Variants in NFIX observed in about 807,000 individuals in gnomAD.
NFIX encodes the protein nuclear factor I X.
NFIX carries 2 observed loss-of-function variants against 53.3 expected under a neutral mutation model. That is an observed-to-expected ratio of 0.04 (90% CI 0.02 to 0.12). The LOEUF (loss-of-function observed/expected upper bound fraction) is 0.12, where lower values mean the gene tolerates loss of function less well. NFIX is among the 10% of genes least tolerant of loss of function. The pLI is 1.00. For synonymous variants in NFIX, 244 were observed against 289.0 expected (o/e 0.84, Z 1.58); for missense variants, 310 against 674.5 (o/e 0.46, Z 5.99).
At chr19:13,080,000 G>A (rs1252799118) in intron 7 of NFIX, among the ~76,000 whole-genome samples, 1 of 152,296 alleles carries the variant, frequency 6.6e-6, no homozygotes, top group African/African-American at 2.4e-5. Context: ...TATGTCAGAC[G>A]GCCATCCTGA....
chr19:13,090,219 C>T lies in NFIX; in HGVS notation c.1403-80C>T, dbSNP rs1039052006. 1.1e-5 allele frequency: 15 copies of T among 1,350,708 alleles called. No individual in the cohort carries two copies. The African/African-American group carries it at 2.0e-4, about 18-fold the overall frequency. The allele number at this position is 1,350,708 out of a possible 1,614,324, so 83.7% of individuals were successfully genotyped here. On this transcript the variant is annotated intron_variant, in intron 9 of 10. Coordinates refer to ENST00000592199, the MANE Select transcript of NFIX (RefSeq NM_001365902.3). This position sits in a 1 kb window ranked among gnomAD's most constrained non-coding sequence, Gnocchi z 6.6. ...ATGGTCTAACTCAGTCTCTCCCTCT[C>T]TCAGCAGCCCCGAGGGGCAGTGCCC...
At chr19:13,015,801 C>T (rs2012629789) in intron 1 of NFIX, among the ~76,000 whole-genome samples, 1 of 143,570 alleles carries the variant, frequency 7.0e-6, no homozygotes, top group Non-Finnish European at 1.5e-5. Context: ...CACACACACA[C>T]ACACACACAC....
In NFIX at chr19:13,011,039, A is replaced by G. The variant is rs2012312135; in HGVS notation, c.28-13982A>G. 6.6e-6 allele frequency among the ~76,000 whole-genome samples: 1 copy of G among 152,114 alleles called. No individual in the cohort carries two copies. The highest frequency in any genetic ancestry group is 6.5e-5 in the Admixed American group (1 of 15,278). ...AACCGCTCCCCCCTCTTCCCGCTCC[A>G]CGTTTGTACTTGGATTTTACCACCC... On this transcript the variant is annotated intron_variant, in intron 1 of 10. Transcript: ENST00000592199. The surrounding 1 kb of genome is among the most constrained non-coding windows in gnomAD (Gnocchi z 6.5).
At chr19:13,026,748 G>C (rs201817957) in intron 2 of NFIX, among the ~76,000 whole-genome samples, 2,031 of 108,808 alleles carry the variant, frequency 0.019, 35 homozygotes, top group African/African-American at 0.067. Context: ...CTCTCTCTGT[G>C]TGTGTGTGTG....
Position 13,088,195 on chromosome 19 carries a change from T to C in NFIX, c.1402+59T>C, listed in dbSNP as rs1263501589. The C allele has an allele frequency of 6.6e-7, 1 of 1,521,672 alleles. No individual in the cohort carries two copies. The highest frequency in any genetic ancestry group is 8.8e-7 in the Non-Finnish European group (1 of 1,137,160). 94.3% of individuals were successfully genotyped at this position (1,521,672 alleles called of 1,614,324 possible). ...CAGCGTCCCCGGCCCGTCCAAACAG[T>C]CTCCACTGCAAAAAGAAAAGCCTTC... is the stretch of plus-strand genomic sequence containing the variant. On this transcript the variant is annotated intron_variant, in intron 9 of 10. Transcript: ENST00000592199. This position sits in a 1 kb window ranked among gnomAD's most constrained non-coding sequence, Gnocchi z 5.9.
intron 8 of NFIX, among the ~76,000 whole-genome samples, chr19:13,085,069 CA>C (rs555726363): frequency 0.018 from 990 of 54,948 alleles, 2 homozygotes; most frequent in African/African-American, 0.036. Context: ...GACTCCATCT[CA>C]AAAAAAAAAA....
chr19:13,071,657 T>TA (rs1382937632), intron 2 of NFIX, among the ~76,000 whole-genome samples: 1 of 152,292 alleles, frequency 6.6e-6, no homozygotes, highest in Non-Finnish European at 1.5e-5. Context: ...TTTTTGGAAT[T>TA]AAAAAATCAA....
At chr19:13,054,142 T>A (rs765902533) in intron 2 of NFIX, among the ~76,000 whole-genome samples, 1 of 152,116 alleles carries the variant, frequency 6.6e-6, no homozygotes, top group Non-Finnish European at 1.5e-5. Context: ...CCAGTTCCCG[T>A]CTCTACCGTG....
At position 13,006,035 on chromosome 19, in the gene NFIX, AGGCCCCGGG is replaced by A. The variant is rs1029603821; in HGVS notation, c.27+10175_27+10183del. ...CCTCCTGGGTGCCAGGCTCTGTTTTAGGCCCCGGGGGCTCGGCAGGGAGCAAAATCTGCA... is the reference window on the plus strand; with the variant it reads ...CCTCCTGGGTGCCAGGCTCTGTTTTAGGCTCGGCAGGGAGCAAAATCTGCA... On this transcript the variant is annotated intron_variant, in intron 1 of 10. Transcript: ENST00000592199. This position sits in a 1 kb window ranked among gnomAD's most constrained non-coding sequence, Gnocchi z 5.6. 6.6e-6 allele frequency among the ~76,000 whole-genome samples: 1 copy of A among 152,210 alleles called. No homozygotes were observed. The highest frequency in any genetic ancestry group is 1.5e-5 in the Non-Finnish European group (1 of 68,032).
rs1393882355 is a variant in NFIX, at chr19:13,051,560, A to T, written c.560-21487A>T. ...TCCCCCGTACCCAGGCCAGTGAGCCAGATTTTTTTCCAAGCCTCAAGTCAG... is the reference window on the plus strand; with the variant it reads ...TCCCCCGTACCCAGGCCAGTGAGCCTGATTTTTTTCCAAGCCTCAAGTCAG... On this transcript the variant is annotated intron_variant, in intron 2 of 10. Transcript: ENST00000592199. The surrounding 1 kb of genome is among the most constrained non-coding windows in gnomAD (Gnocchi z 5.1). Among the ~76,000 whole-genome samples, 1 of 152,152 alleles carries T rather than the reference A, an allele frequency of 6.6e-6. No individual in the cohort carries two copies. The highest frequency in any genetic ancestry group is 2.4e-5 in the African/African-American group (1 of 41,428).
rs1479577526 is a variant in NFIX at position 12,996,670 on chromosome 19, G to C, written c.27+806G>C. On this transcript the variant is annotated intron_variant, in intron 1 of 10. Transcript: ENST00000592199. The surrounding 1 kb of genome is among the most constrained non-coding windows in gnomAD (Gnocchi z 5.2). ...GGGCTGCTGCGGAGTGGACCCGGCA[G>C]GCCTGGGGAATCCCGTCCCGTCGCC... is the stretch of plus-strand genomic sequence containing the variant. Among the ~76,000 whole-genome samples, 1 of 152,224 alleles carries C rather than the reference G, an allele frequency of 6.6e-6. No homozygotes were observed. The highest frequency in any genetic ancestry group is 2.4e-5 in the African/African-American group (1 of 41,458).
intron 2 of NFIX, among the ~76,000 whole-genome samples, chr19:13,038,681 A>T (rs561456924): frequency 3.1e-4 from 47 of 152,378 alleles, no homozygotes; most frequent in African/African-American, 1.1e-3. Context: ...TTAGTTTACT[A>T]CCTGGCTGCA....
At position 13,081,971 on chromosome 19, in the gene NFIX, A is replaced by C; in HGVS notation, c.1254+116A>C. 2.4e-6 allele frequency: 3 copies of C among 1,255,402 alleles called. No homozygotes were observed. The highest frequency in any genetic ancestry group is 1.4e-5 in the South Asian group (1 of 73,948). The allele number at this position is 1,255,402 out of a possible 1,614,324, so 77.8% of individuals were successfully genotyped here. ...CCAGGAGCCCACCTGGGGCTGGAGC[A>C]GCAGGGAGCTGGTAGTACCAAACGC... On this transcript the variant is annotated intron_variant, in intron 8 of 10. Coordinates refer to ENST00000592199, the MANE Select transcript of NFIX (RefSeq NM_001365902.3). This position sits in a 1 kb window ranked among gnomAD's most constrained non-coding sequence, Gnocchi z 4.7.
rs1327542742 is a variant in NFIX at position 12,998,436 on chromosome 19, G to T, written c.27+2572G>T. On this transcript the variant is annotated intron_variant, in intron 1 of 10. Transcript: ENST00000592199. This position sits in a 1 kb window ranked among gnomAD's most constrained non-coding sequence, Gnocchi z 4.4. ...GAGCAGCGGGGCCCTGGCGGGGAAAGGTACTGTGGGCGAGGGGGAAGGGCG... is the reference window on the plus strand; with the variant it reads ...GAGCAGCGGGGCCCTGGCGGGGAAATGTACTGTGGGCGAGGGGGAAGGGCG... Among the ~76,000 whole-genome samples, 5 of 152,090 alleles carry T rather than the reference G, an allele frequency of 3.3e-5. No homozygotes were observed. Among genetic ancestry groups the T allele is most frequent in the Non-Finnish European group, 5.9e-5 (4 of 68,022 alleles).
intron 2 of NFIX, among the ~76,000 whole-genome samples, chr19:13,065,380 C>G (rs2016337704): frequency 6.6e-6 from 1 of 152,196 alleles, no homozygotes; most frequent in Non-Finnish European, 1.5e-5. Flanking sequence ...GAATTCCTAC[C>G]CCAGGTATCT....
rs572831745 is a variant in NFIX, at chr19:13,001,928, C to A, written c.27+6064C>A. On this transcript the variant is annotated intron_variant, in intron 1 of 10. Transcript: ENST00000592199. The surrounding 1 kb of genome is among the most constrained non-coding windows in gnomAD (Gnocchi z 6.5). The stretch of plus-strand genomic sequence containing the variant: ...CCCTGGCCTGGCGTGGACAGAAGCC[C>A]GTTGTGCGGCAGCGAGGTGCGGGCG... 6.6e-6 allele frequency among the ~76,000 whole-genome samples: 1 copy of A among 152,334 alleles called. No homozygotes were observed. The highest frequency in any genetic ancestry group is 2.1e-4 in the South Asian group (1 of 4,832).
intron 1 of NFIX, among the ~76,000 whole-genome samples, chr19:13,010,223 C>T (rs1173263642): frequency 1.3e-5 from 2 of 152,226 alleles, no homozygotes; most frequent in East Asian, 3.9e-4. Flanking sequence ...GCCCCATGGC[C>T]CGCTCAGGGG....
rs376799553 is a variant in NFIX at position 13,061,813 on chromosome 19, A to G, written c.560-11234A>G. On this transcript the variant is annotated intron_variant, in intron 2 of 10. Coordinates refer to ENST00000592199, the MANE Select transcript of NFIX (RefSeq NM_001365902.3). ...TAAAATATGTTAAAAAAAAATCTGTAAAAATCCCCACTCACATCTCATGTT... is the reference window on the plus strand; with the variant it reads ...TAAAATATGTTAAAAAAAAATCTGTGAAAATCCCCACTCACATCTCATGTT... Among the ~76,000 whole-genome samples the G allele has an allele frequency of 7.9e-5, 12 of 152,140 alleles. No homozygotes were observed. In the East Asian group the frequency reaches 1.7e-3, roughly 22 times the overall value.
At chr19:13,069,461 G>T (rs1280686663) in intron 2 of NFIX, among the ~76,000 whole-genome samples, 1 of 152,226 alleles carries the variant, frequency 6.6e-6, no homozygotes, top group African/African-American at 2.4e-5. Flanking sequence ...TGGCCCATAG[G>T]CCACCAGCTG....
Sources: gnomAD v4.1 joint callset for allele counts (sites outside exome capture counted in the v4.1 genomes callset) on GRCh38, gnomAD v4.1.1 for gene constraint, Gnocchi (gnomAD v3.1) non-coding constraint, MANE v1.5 for transcripts, NCBI Gene and HGNC (gene_info 2026-07-23, HGNC 2026-07-21) for gene names.